WIPF3: variants seen among roughly 807,000 people sequenced by gnomAD.
WIPF3 encodes the protein WAS/WASL interacting protein family member 3.
WIPF3 carries 33 observed loss-of-function variants against 38.9 expected under a neutral mutation model. That is an observed-to-expected ratio of 0.85 (90% CI 0.64 to 1.14). The LOEUF (loss-of-function observed/expected upper bound fraction) is 1.14. Among genes scored for constraint, WIPF3 ranks in the 50% most tolerant of loss-of-function variants. WIPF3 has a pLI of 0.00. For synonymous variants in WIPF3, 324 were observed against 269.3 expected, an observed-to-expected ratio of 1.20 and a Z score of -1.99; for missense variants, 711 against 652.5, an observed-to-expected ratio of 1.09 and a Z score of -0.98.
intron 4 of WIPF3, among the ~76,000 whole-genome samples, chr7:29,881,489 T>G (rs1306423247): frequency 1.3e-5 from 2 of 152,204 alleles, no homozygotes; most frequent in Non-Finnish European, 2.9e-5. Context: ...TTAAATTTCT[T>G]TTAAAATCAG....
intron 8 of WIPF3, chr7:29,905,279 T>C (rs975149476): frequency 6.6e-6 from 1 of 152,166 alleles, no homozygotes; most frequent in African/African-American, 2.4e-5. Context: ...ACTGTGTGTA[T>C]GATTGTAGTT....
At chr7:29,896,086 G>A (rs1468456697) in intron 7 of WIPF3, among the ~76,000 whole-genome samples, 2 of 152,130 alleles carry the variant, frequency 1.3e-5, no homozygotes, top group African/African-American at 4.8e-5. Context: ...AGTGAGTACT[G>A]ATGGATGCAA....
At chr7:29,832,717 A>T (rs1027779643) in intron 1 of WIPF3, among the ~76,000 whole-genome samples, 9 of 151,600 alleles carry the variant, frequency 5.9e-5, no homozygotes, top group African/African-American at 1.9e-4. Flanking sequence ...TCCCCAAAAA[A>T]GTTGCACTGA....
Position 29,868,535 on chromosome 7 carries a change from T to C in WIPF3, c.91-7295T>C, listed in dbSNP as rs114960640. Among the ~76,000 whole-genome samples the C allele has an allele frequency of 7.8e-3, 1,172 of 151,022 alleles. 16 individuals are homozygous for C. Among genetic ancestry groups the C allele is most frequent in the African/African-American group, 0.026 (1,055 of 41,258 alleles). ...AATGAGAAGTATATATATATATATA[T>C]ACACACACATACACAAATATATTAA... On this transcript the variant is annotated intron_variant, in intron 2 of 8. Transcript: ENST00000242140.
intron 1 of WIPF3, among the ~76,000 whole-genome samples, chr7:29,827,929 G>A (rs1039529521): frequency 5.9e-5 from 9 of 152,048 alleles, no homozygotes; most frequent in African/African-American, 1.9e-4. Context: ...CTGAGTAGCC[G>A]GAACTACAGG....
intron 2 of WIPF3, among the ~76,000 whole-genome samples, chr7:29,847,788 GT>G (rs756121210): frequency 2.6e-5 from 4 of 152,178 alleles, no homozygotes; most frequent in African/African-American, 4.8e-5. Flanking sequence ...GGGAGTTAGA[GT>G]AATATTTTTA....
chr7:29,853,781 C>A (rs1002831935), intron 2 of WIPF3, among the ~76,000 whole-genome samples: 4 of 152,194 alleles, frequency 2.6e-5, no homozygotes, highest in African/African-American at 9.7e-5. Context: ...GATGTGAAGA[C>A]TAATTGAATT....
chr7:29,882,800 T>C (rs1409749990), intron 4 of WIPF3, among the ~76,000 whole-genome samples: 3 of 152,214 alleles, frequency 2.0e-5, no homozygotes, highest in Non-Finnish European at 2.9e-5. Flanking sequence ...GTCCACATGT[T>C]GTCATGGTGA....
intron 7 of WIPF3, among the ~76,000 whole-genome samples, chr7:29,894,764 G>GACACACACACAC (rs34105700): frequency 1.0e-4 from 15 of 148,008 alleles, no homozygotes; most frequent in African/African-American, 3.5e-4. Flanking sequence ...CTCTCTTTCT[G>GACACACACACAC]ACACACACAC....
chr7:29,815,791 T>C (rs1249685307), intron 1 of WIPF3, among the ~76,000 whole-genome samples: 2 of 152,210 alleles, frequency 1.3e-5, no homozygotes, highest in South Asian at 2.1e-4. Flanking sequence ...AATTAAACTG[T>C]AGGGGTTATG....
chr7:29,852,399 TA>T (rs1202826248), intron 2 of WIPF3, among the ~76,000 whole-genome samples: 1 of 152,206 alleles, frequency 6.6e-6, no homozygotes, highest in Admixed American at 6.5e-5. Flanking sequence ...ATCAGCTTCC[TA>T]AGGAGGATAG....
At position 29,884,428 on chromosome 7, in the gene WIPF3, C is replaced by G. The variant is rs777973176; in HGVS notation, c.934C>G (p.Pro312Ala). Residue 312 changes from proline to alanine, a missense_variant, in exon 5 of 9, where the codon CCT becomes GCT. By Grantham distance (27) the Pro-to-Ala change is conservative (BLOSUM62 -1). Coordinates refer to ENST00000242140, the MANE Select transcript of WIPF3 (RefSeq NM_001080529.3). ...CSPRASLPAPPLPGVNSSSET... is the reference protein window; with the variant it reads ...CSPRASLPAPALPGVNSSSET... ...CCCGAGGGCTTCTTTGCCCGCGCCC[C>G]CTTTGCCAGGAGTTAATAGCAGCAG... is the stretch of plus-strand genomic sequence containing the variant. The G allele has an allele frequency of 2.6e-6, 4 of 1,534,838 alleles. No homozygotes were observed.
At position 29,878,653 on chromosome 7, in the gene WIPF3, C is replaced by T. The variant is rs958446292; in HGVS notation, c.224-356C>T. Among the ~76,000 whole-genome samples, 2 of 150,882 alleles carry T rather than the reference C, an allele frequency of 1.3e-5. No homozygotes were observed. The highest frequency in any genetic ancestry group is 2.4e-5 in the African/African-American group (1 of 40,888). On this transcript the variant is annotated intron_variant, in intron 3 of 8. Transcript: ENST00000242140. This position sits in a 1 kb window ranked among gnomAD's most constrained non-coding sequence, Gnocchi z 4.0. ...TCCATAGCCAAGTTGAAAATAAGAG[C>T]AGCTCTACACCTACCACATTTGGGT... is the stretch of plus-strand genomic sequence containing the variant.
At chr7:29,860,792 G>A (rs1175822156) in intron 2 of WIPF3, among the ~76,000 whole-genome samples, 2 of 152,190 alleles carry the variant, frequency 1.3e-5, no homozygotes, top group East Asian at 3.8e-4. Context: ...AGGCACGGTT[G>A]ATAGGTGGTA....
intron 7 of WIPF3, among the ~76,000 whole-genome samples, chr7:29,898,507 G>A (rs191186875): frequency 4.6e-5 from 7 of 152,144 alleles, no homozygotes; most frequent in East Asian, 1.9e-4. Context: ...ACTCCCCTCC[G>A]CTCAGAATCC....
intron 8 of WIPF3, among the ~76,000 whole-genome samples, chr7:29,911,137 G>A (rs888226862): frequency 2.6e-5 from 4 of 151,876 alleles, no homozygotes; most frequent in African/African-American, 7.3e-5. Flanking sequence ...AATCTGTAAC[G>A]AAAATTACAG....
intron 2 of WIPF3, among the ~76,000 whole-genome samples, chr7:29,836,600 C>T (rs557826916): frequency 1.6e-4 from 25 of 152,182 alleles, no homozygotes; most frequent in South Asian, 4.1e-4. Flanking sequence ...TTTATTCTAG[C>T]GAAAAAATAG....
In WIPF3 at chr7:29,902,267, TCTTC is replaced by T. The variant is rs1204782394; in HGVS notation, c.1352-2018_1352-2015del. Among the ~76,000 whole-genome samples, 404 of 107,242 alleles carry T rather than the reference TCTTC, an allele frequency of 3.8e-3. 8 individuals carry two copies. Among genetic ancestry groups the T allele is most frequent in the African/African-American group, 9.4e-3 (309 of 33,022 alleles). 70.4% of individuals were successfully genotyped at this position (107,242 alleles called of 152,430 possible). A position where few individuals can be genotyped will look rare whatever the true frequency, so the allele number is the denominator to read the frequency against. On this transcript the variant is annotated intron_variant, in intron 7 of 8. Transcript: ENST00000242140. ...CTGTATATTAGTGTTTTCTTCTTCT[TCTTC>T]TTCTTTTTTTTTTTTTTTTACTTTT...
intron 5 of WIPF3, among the ~76,000 whole-genome samples, chr7:29,887,538 C>T (rs1022367666): frequency 4.6e-5 from 7 of 152,070 alleles, no homozygotes; most frequent in Admixed American, 6.6e-5. Flanking sequence ...TTAGGTGGAC[C>T]GGAAAGAGAA....
Sources: gnomAD v4.1 joint callset for allele counts (sites outside exome capture counted in the v4.1 genomes callset) on GRCh38, gnomAD v4.1.1 for gene constraint, Gnocchi (gnomAD v3.1) non-coding constraint, MANE v1.5 for transcripts, NCBI Gene and HGNC (gene_info 2026-07-23, HGNC 2026-07-21) for gene names.